The following COX7B2 variants were observed in gnomAD, a reference collection of about 807,000 sequenced individuals.
COX7B2 encodes cytochrome c oxidase subunit 7B2, mitochondrial.
For missense variants in COX7B2, 109 were observed against 95.9 expected (o/e 1.14, Z -0.57); for synonymous variants, 37 against 32.1 (o/e 1.15, Z -0.51).
At chr4:46,795,174 C>A (rs1054529726) in intron 2 of COX7B2, among the ~76,000 whole-genome samples, 12 of 129,890 alleles carry the variant, frequency 9.2e-5, no homozygotes, top group Admixed American at 6.3e-4. Flanking sequence ...ATGGTAGTTT[C>A]TTTTGCTGTG....
At chr4:46,818,372 G>A (rs1272333568) in intron 2 of COX7B2, among the ~76,000 whole-genome samples, 2 of 152,086 alleles carry the variant, frequency 1.3e-5, no homozygotes, top group Non-Finnish European at 2.9e-5. Context: ...CGTGGCTCAC[G>A]CCTGTAAACC....
rs1041354631 is a variant in COX7B2, at chr4:46,869,789, C to T, written c.-104-24775G>A. On this transcript the variant is annotated intron_variant, in intron 1 of 2. Coordinates refer to ENST00000355591, the MANE Select transcript of COX7B2 (RefSeq NM_130902.3). ...TTTGTAGGTGACCTGCCATTTCTCT[C>T]TTTAGCTGCCTTTAAATTATTTCTT... 2.6e-5 allele frequency among the ~76,000 whole-genome samples: 4 copies of T among 152,100 alleles called. No individual in the cohort carries two copies. In the South Asian group the frequency reaches 8.3e-4, roughly 31 times the overall value.
intron 2 of COX7B2, among the ~76,000 whole-genome samples, chr4:46,820,186 T>G (rs1714170119): frequency 6.6e-6 from 1 of 152,208 alleles, no homozygotes; most frequent in Non-Finnish European, 1.5e-5. Flanking sequence ...GCCCTGAGCT[T>G]CTTTCCCTCA....
intron 1 of COX7B2, among the ~76,000 whole-genome samples, chr4:46,885,368 T>C (rs1324732550): frequency 6.6e-6 from 1 of 152,136 alleles, no homozygotes; most frequent in Non-Finnish European, 1.5e-5. Flanking sequence ...ATAAAAAATT[T>C]TGAAACATTC....
intron 2 of COX7B2, among the ~76,000 whole-genome samples, chr4:46,761,899 C>T (rs1577674377): frequency 6.6e-6 from 1 of 151,746 alleles, no homozygotes; most frequent in East Asian, 1.9e-4. Context: ...TCCTTAATCA[C>T]AACTGCTGCC....
intron 1 of COX7B2, among the ~76,000 whole-genome samples, chr4:46,851,813 C>G (rs1716707944): frequency 6.6e-6 from 1 of 152,066 alleles, no homozygotes; most frequent in African/African-American, 2.4e-5. Flanking sequence ...GATAAGAATA[C>G]TACAAAAATG....
At chr4:46,833,291 G>A (rs1424725863) in intron 2 of COX7B2, among the ~76,000 whole-genome samples, 1 of 152,144 alleles carries the variant, frequency 6.6e-6, no homozygotes, top group Non-Finnish European at 1.5e-5. Flanking sequence ...GTATGTCCTG[G>A]CATCAACTTT....
At chr4:46,814,247 A>G (rs564395464) in intron 2 of COX7B2, among the ~76,000 whole-genome samples, 158 of 152,340 alleles carry the variant, frequency 1.0e-3, no homozygotes, top group African/African-American at 3.6e-3. Flanking sequence ...GTCATTGAAC[A>G]CCAAACTTGC....
intron 1 of COX7B2, among the ~76,000 whole-genome samples, chr4:46,874,710 C>G (rs1479006371): frequency 1.3e-5 from 2 of 151,986 alleles, no homozygotes; most frequent in Non-Finnish European, 2.9e-5. Context: ...AGATAAACTA[C>G]TTTAAAATGT....
At chr4:46,904,380 G>A (rs1401310542) in intron 1 of COX7B2, among the ~76,000 whole-genome samples, 1 of 151,648 alleles carries the variant, frequency 6.6e-6, no homozygotes, top group Non-Finnish European at 1.5e-5. Context: ...TCCTAAAAAT[G>A]GTCAAAAAAA....
At chr4:46,757,921 T>G (rs895788276) in intron 2 of COX7B2, among the ~76,000 whole-genome samples, 1 of 152,126 alleles carries the variant, frequency 6.6e-6, no homozygotes. Flanking sequence ...TGGGGCATCA[T>G]GTGGTGGAGG....
intron 1 of COX7B2, among the ~76,000 whole-genome samples, chr4:46,906,168 T>C (rs534615139): frequency 1.3e-5 from 2 of 152,296 alleles, no homozygotes; most frequent in East Asian, 3.9e-4. Flanking sequence ...TTCTTTCCAC[T>C]GTTTCTTGTT....
chr4:46,793,453 ATGAGAGGC>A (rs1718155228), intron 2 of COX7B2, among the ~76,000 whole-genome samples: 1 of 152,156 alleles, frequency 6.6e-6, no homozygotes, highest in Non-Finnish European at 1.5e-5. Flanking sequence ...GAACTTTAGA[ATGAGAGGC>A]TTGTCCAAGA....
chr4:46,820,419 C>A (rs1446993528), intron 2 of COX7B2, among the ~76,000 whole-genome samples: 1 of 152,164 alleles, frequency 6.6e-6, no homozygotes, highest in Non-Finnish European at 1.5e-5. Context: ...ACTTGCCTGC[C>A]TCTCACCTCC....
At chr4:46,752,950 G>C (rs10155355) in intron 2 of COX7B2, among the ~76,000 whole-genome samples, 1 of 151,930 alleles carries the variant, frequency 6.6e-6, no homozygotes, top group African/African-American at 2.4e-5. Flanking sequence ...TCAGGGAGGA[G>C]TCCCTCTTTT....
chr4:46,791,174 A>ATT (rs34287708), intron 2 of COX7B2, among the ~76,000 whole-genome samples: 1,611 of 132,508 alleles, frequency 0.012, 19 homozygotes, highest in Middle Eastern at 0.048. Flanking sequence ...AATTTTTTGT[A>ATT]TTTTTTTTTT....
chr4:46,884,123 C>T lies in COX7B2; in HGVS notation c.-105+25037G>A, dbSNP rs375461541. 3.5e-4 allele frequency among the ~76,000 whole-genome samples: 52 copies of T among 150,186 alleles called. No homozygotes were observed. The South Asian group carries it at 0.011, about 32-fold the overall frequency. ...TCTAAACCTCCAAGAACTTCAATAA[C>T]TAGCCCAAGAGTCAAAATTCCCAAG... On this transcript the variant is annotated intron_variant, in intron 1 of 2. Transcript: ENST00000355591.
intron 2 of COX7B2, among the ~76,000 whole-genome samples, chr4:46,824,109 G>A (rs991248652): frequency 6.6e-5 from 10 of 152,074 alleles, no homozygotes; most frequent in African/African-American, 1.7e-4. Context: ...CTCCCAAGAC[G>A]GAGCTAGTAA....
At chr4:46,832,595 C>A (rs1715219131) in intron 2 of COX7B2, among the ~76,000 whole-genome samples, 1 of 151,638 alleles carries the variant, frequency 6.6e-6, no homozygotes, top group Admixed American at 6.6e-5. Context: ...CTCCAAATCT[C>A]ATGGTGAAAT....
Sources: gnomAD v4.1 joint callset for allele counts (sites outside exome capture counted in the v4.1 genomes callset) on GRCh38, gnomAD v4.1.1 for gene constraint, MANE v1.5 for transcripts, NCBI Gene and HGNC (gene_info 2026-07-23, HGNC 2026-07-21) for gene names.